The following TMTC1 variants were observed in gnomAD, a reference collection of about 807,000 sequenced individuals.
The protein encoded by TMTC1 is transmembrane O-mannosyltransferase targeting cadherins 1.
Under a neutral mutation model 104.8 loss-of-function variants are expected in TMTC1, and 73 were observed. The ratio of observed to expected loss-of-function variants is 0.70; its 90% CI spans 0.58 to 0.85. TMTC1 has a LOEUF of 0.85. TMTC1 is among the 40% of genes least tolerant of loss of function. The pLI is 0.00. For missense variants in TMTC1, 1,035 were observed against 1,096.1 expected (o/e 0.94, Z 0.79); for synonymous variants, 434 against 428.7 (o/e 1.01, Z -0.15).
At position 29,520,711 on chromosome 12, in the gene TMTC1, T is replaced by C; in HGVS notation, c.1795A>G (p.Lys599Glu). ...ASLLAEQERF[K>E]EAEEIYQTGI... ...GTTTGGTATATTTCTTCAGCTTCTT[T>C]AAACCGCTCCTTTAAAAAGAAAGAA... The change falls in exon 12 of 18, where the codon AAA becomes GAA. Residue 599 changes from lysine (K) to glutamate (E), a missense_variant. Coordinates refer to ENST00000539277, the MANE Select transcript of TMTC1 (RefSeq NM_001193451.2). 6.2e-7 allele frequency: 1 copy of C among 1,609,968 alleles called. No homozygotes were observed. The highest frequency in any genetic ancestry group is 8.5e-7 in the Non-Finnish European group (1 of 1,178,980).
At chr12:29,601,838 CTTTTT>C (rs546200177) in intron 7 of TMTC1, among the ~76,000 whole-genome samples, 1 of 137,374 alleles carries the variant, frequency 7.3e-6, no homozygotes. Flanking sequence ...ATAATCATCT[CTTTTT>C]TTTTTTTTTT....
intron 7 of TMTC1, among the ~76,000 whole-genome samples, chr12:29,599,893 T>TATA (rs1946507108): frequency 6.7e-6 from 1 of 149,764 alleles, no homozygotes; most frequent in African/African-American, 2.5e-5. Flanking sequence ...TATATATGTG[T>TATA]ATATATACAT....
At chr12:29,569,054 G>C in intron 9 of TMTC1, 1 of 449,252 alleles carries the variant, frequency 2.2e-6, no homozygotes, top group Non-Finnish European at 4.5e-6. Context: ...GTTTGTTGAG[G>C]ATTTAAGAAA....
intron 9 of TMTC1, among the ~76,000 whole-genome samples, chr12:29,566,650 G>A (rs573191547): frequency 6.6e-6 from 1 of 152,292 alleles, no homozygotes; most frequent in South Asian, 2.1e-4. Flanking sequence ...AGAGGTGGAG[G>A]GGACAGTGGA....
intron 5 of TMTC1, among the ~76,000 whole-genome samples, chr12:29,713,531 T>C (rs868309786): frequency 6.6e-6 from 1 of 152,140 alleles, no homozygotes. Flanking sequence ...GCAAAATGTT[T>C]ACACATTTCA....
intron 11 of TMTC1, chr12:29,533,307 T>C (rs1261799081): frequency 1.3e-5 from 2 of 152,182 alleles, no homozygotes; most frequent in Non-Finnish European, 2.9e-5. Context: ...AGGAACACAA[T>C]ATTAGTTTCC....
intron 1 of TMTC1, among the ~76,000 whole-genome samples, chr12:29,779,168 C>T (rs1943777612): frequency 6.6e-6 from 1 of 152,208 alleles, no homozygotes; most frequent in Non-Finnish European, 1.5e-5. Flanking sequence ...TGCAAACCAA[C>T]AGCATGTTCA....
intron 2 of TMTC1, among the ~76,000 whole-genome samples, chr12:29,761,581 C>CAT (rs1255548828): frequency 1.3e-3 from 16 of 12,298 alleles, no homozygotes; most frequent in Middle Eastern, 0.017. Flanking sequence ...ATGCATTTCT[C>CAT]GTTTTTTTTT....
chr12:29,703,131 G>A lies in TMTC1; in HGVS notation c.938+48535C>T, dbSNP rs1185870744. Reference sequence around the variant, plus strand: ...TGCAGTCCAGTCTGGGTGACAGAGCGAGACTCAGTCTCAAAAAAAAAAAAA... The same window carrying A: ...TGCAGTCCAGTCTGGGTGACAGAGCAAGACTCAGTCTCAAAAAAAAAAAAA... On this transcript the variant is annotated intron_variant, in intron 5 of 17. Transcript: ENST00000539277. Among the ~76,000 whole-genome samples, 5 of 148,190 alleles carry A rather than the reference G, an allele frequency of 3.4e-5. No homozygotes were observed. In the East Asian group the frequency reaches 6.1e-4, roughly 18 times the overall value.
intron 10 of TMTC1, among the ~76,000 whole-genome samples, chr12:29,538,018 T>G (rs114751164): frequency 0.012 from 1,820 of 152,336 alleles, 32 homozygotes; most frequent in African/African-American, 0.041. Context: ...TGGTCTGCAC[T>G]ATCCTCTTCT....
At chr12:29,551,474 T>A (rs1229367497) in intron 10 of TMTC1, among the ~76,000 whole-genome samples, 1 of 152,230 alleles carries the variant, frequency 6.6e-6, no homozygotes, top group Non-Finnish European at 1.5e-5. Flanking sequence ...GTTCAATTAT[T>A]GGACATTCCA....
intron 5 of TMTC1, among the ~76,000 whole-genome samples, chr12:29,743,953 C>A (rs1942889033): frequency 1.3e-5 from 2 of 152,206 alleles, no homozygotes; most frequent in Admixed American, 6.5e-5. Context: ...CTGCCACTCT[C>A]TTACCCACAC....
rs751310752 is a variant in TMTC1, at chr12:29,699,782, G to A, written c.938+51884C>T. Among the ~76,000 whole-genome samples the A allele has an allele frequency of 4.5e-4, 68 of 150,866 alleles. 1 individual carries two copies. Among genetic ancestry groups the A allele is most frequent in the Non-Finnish European group, 1.5e-4 (10 of 67,836 alleles). On this transcript the variant is annotated intron_variant, in intron 5 of 17. Coordinates refer to ENST00000539277, the MANE Select transcript of TMTC1 (RefSeq NM_001193451.2). ...ATCCTCCTGAGTAGCTGGGACTACAGGCGCACACCAACAAGCCCAGCTAAT... is the reference window on the plus strand; with the variant it reads ...ATCCTCCTGAGTAGCTGGGACTACAAGCGCACACCAACAAGCCCAGCTAAT...
At chr12:29,704,496 G>A (rs1202087332) in intron 5 of TMTC1, among the ~76,000 whole-genome samples, 1 of 152,118 alleles carries the variant, frequency 6.6e-6, no homozygotes, top group Non-Finnish European at 1.5e-5. Flanking sequence ...TCACAGAGAT[G>A]GTACAGCTTT....
chr12:29,781,045 C>T (rs767903863), intron 1 of TMTC1, among the ~76,000 whole-genome samples: 3 of 152,248 alleles, frequency 2.0e-5, no homozygotes, highest in Non-Finnish European at 2.9e-5. Context: ...TTAATAAATA[C>T]GGCTTTCTGT....
At chr12:29,544,419 A>C (rs1010964548) in intron 10 of TMTC1, among the ~76,000 whole-genome samples, 1 of 151,702 alleles carries the variant, frequency 6.6e-6, no homozygotes, top group African/African-American at 2.4e-5. Context: ...ACAGGGCAGC[A>C]GAAATGGAGA....
rs147571693 is a variant in TMTC1, at chr12:29,547,526, C to A, written c.1676+9331G>T. Among the ~76,000 whole-genome samples the A allele has an allele frequency of 1.7e-4, 26 of 152,302 alleles. No homozygotes were observed. In the East Asian group the frequency reaches 2.7e-3, roughly 16 times the overall value. The stretch of plus-strand genomic sequence containing the variant: ...TATTTCCCAGTAACTTAATTTTGGA[C>A]AGCCACTGACCATGAAATGATAAAA... On this transcript the variant is annotated intron_variant, in intron 10 of 17. Transcript: ENST00000539277.
chr12:29,705,434 G>T (rs968584487), intron 5 of TMTC1, among the ~76,000 whole-genome samples: 1 of 152,208 alleles, frequency 6.6e-6, no homozygotes, highest in Admixed American at 6.5e-5. Flanking sequence ...TACATCCACA[G>T]AGGAACTCTC....
Position 29,783,727 on chromosome 12 carries a change from C to T in TMTC1, c.25G>A (p.Gly9Ser), listed in dbSNP as rs1943894364. 8.3e-7 allele frequency: 1 copy of T among 1,207,562 alleles called. No individual in the cohort carries two copies. The highest frequency in any genetic ancestry group is 4.5e-5 in the Admixed American group (1 of 22,198). The allele number at this position is 1,207,562 out of a possible 1,614,324, so 74.8% of individuals were successfully genotyped here. A position where few individuals can be genotyped will look rare whatever the true frequency, so the allele number is the denominator to read the frequency against. MVVTTSAR[G>S]GGGDRTPSRR... ...GAGGGTGTGCGGTCCCCGCCGCCGC[C>T]TCGGGCAGAGGTGGTCACCACCATC... The change falls in exon 1 of 18, where the codon GGC (glycine) becomes AGC (serine). Residue 9 changes from glycine to serine, a missense_variant. Transcript: ENST00000539277. The surrounding 1 kb of genome is among the most constrained non-coding windows in gnomAD (Gnocchi z 4.7).
Sources: allele counts gnomAD v4.1 joint callset (sites outside exome capture counted in the v4.1 genomes callset), GRCh38; gene constraint gnomAD v4.1.1; non-coding constraint Gnocchi (gnomAD v3.1); transcripts MANE v1.5; gene names NCBI Gene and HGNC (gene_info 2026-07-23, HGNC 2026-07-21).